WDR26: variants seen among roughly 807,000 people sequenced by gnomAD.
WDR26 encodes WD repeat-containing protein 26.
Under a neutral mutation model 84.1 loss-of-function variants are expected in WDR26, and 5 were observed. The observed-to-expected ratio is 0.06, with a 90% CI of 0.03 to 0.13. The LOEUF (loss-of-function observed/expected upper bound fraction) is 0.13. Among genes scored for constraint, WDR26 ranks in the 10% least tolerant of loss-of-function variants. The probability of loss-of-function intolerance (pLI) is 1.00; values close to 1 mark genes in which losing one functional copy is unlikely to be tolerated. For synonymous variants in WDR26, 415 were observed against 389.6 expected (o/e 1.07, Z -0.77); for missense variants, 642 against 974.9 (o/e 0.66, Z 4.55).
chr1:224,398,872 A>T lies in WDR26; in HGVS notation c.1865+17T>A. On this transcript the variant is annotated intron_variant, in intron 10 of 13. Coordinates refer to ENST00000414423, the MANE Select transcript of WDR26 (RefSeq NM_001379403.1). ...AAATCAGGTAATTGTTGTTTAATGGAAACAAAAAATAGTTACATGTTCCTA... is the reference window on the plus strand; with the variant it reads ...AAATCAGGTAATTGTTGTTTAATGGTAACAAAAAATAGTTACATGTTCCTA... 6.2e-7 allele frequency: 1 copy of T among 1,613,010 alleles called. No individual in the cohort carries two copies. Among genetic ancestry groups the T allele is most frequent in the Non-Finnish European group, 8.5e-7 (1 of 1,179,682 alleles).
rs576384527 is a variant in WDR26 at position 224,395,078 on chromosome 1, T to C, written c.2075-1065A>G. ...GTATAGAGAGTATTGGTTGAGAGTA[T>C]GGGCTCTGGAATCAGACTACTCAAC... On this transcript the variant is annotated intron_variant, in intron 12 of 13. Transcript: ENST00000414423. Among the ~76,000 whole-genome samples, 11 of 152,328 alleles carry C rather than the reference T, an allele frequency of 7.2e-5. 1 individual carries two copies. The South Asian group carries it at 2.3e-3, about 32-fold the overall frequency.
At chr1:224,389,940 G>T (rs1029604262) in intron 13 of WDR26, 80 bp from the exon 14 acceptor site, 6 of 1,129,798 alleles carry the variant, frequency 5.3e-6, no homozygotes, top group Non-Finnish European at 7.5e-6. Context: ...TTACCAGTTA[G>T]AAAGTTTCAA....
chr1:224,426,360 TAA>T (rs1443637737), intron 3 of WDR26, among the ~76,000 whole-genome samples: 1 of 152,176 alleles, frequency 6.6e-6, no homozygotes, highest in African/African-American at 2.4e-5. Flanking sequence ...CCCTCTCATA[TAA>T]GTTAGGCATG....
At chr1:224,395,619 A>AAC (rs1673238560) in intron 12 of WDR26, among the ~76,000 whole-genome samples, 1 of 152,132 alleles carries the variant, frequency 6.6e-6, no homozygotes, top group Admixed American at 6.5e-5. Flanking sequence ...AAAAAAAAAA[A>AAC]AAAGTAAAGA....
At chr1:224,415,068 T>C (rs570279090) in intron 6 of WDR26, among the ~76,000 whole-genome samples, 1 of 152,188 alleles carries the variant, frequency 6.6e-6, no homozygotes, top group Non-Finnish European at 1.5e-5. Context: ...TTTTGCAGTT[T>C]AGCAATAAAG....
intron 8 of WDR26, chr1:224,402,078 G>C (rs1315553970): frequency 6.6e-6 from 1 of 152,158 alleles, no homozygotes; most frequent in Non-Finnish European, 1.5e-5. Context: ...TGCCCTTGGT[G>C]TAATAATAAA....
At chr1:224,429,032 G>A (rs1385467479) in intron 3 of WDR26, among the ~76,000 whole-genome samples, 1 of 152,072 alleles carries the variant, frequency 6.6e-6, no homozygotes, top group Non-Finnish European at 1.5e-5. Context: ...GGAAGGCTGG[G>A]GCGGGCGGAT....
intron 13 of WDR26, 42 bp from the exon 14 acceptor site, chr1:224,389,902 G>C: frequency 1.6e-5 from 6 of 376,256 alleles, no homozygotes; most frequent in Admixed American, 3.9e-5. Flanking sequence ...GCGGGCGGGG[G>C]AGGGAAGAGG....
At chr1:224,395,169 C>A (rs2102887944) in intron 12 of WDR26, among the ~76,000 whole-genome samples, 1 of 152,290 alleles carries the variant, frequency 6.6e-6, no homozygotes, top group African/African-American at 2.4e-5. Flanking sequence ...TACAACCCTT[C>A]ACCTGTAAAT....
chr1:224,391,791 G>C (rs1234875781), intron 13 of WDR26, among the ~76,000 whole-genome samples: 1 of 152,130 alleles, frequency 6.6e-6, no homozygotes, highest in Non-Finnish European at 1.5e-5. Context: ...AAAGTGTTTT[G>C]GGGGTGGAGG....
intron 8 of WDR26, among the ~76,000 whole-genome samples, chr1:224,402,523 G>A (rs1229334652): frequency 6.6e-6 from 1 of 152,120 alleles, no homozygotes; most frequent in Non-Finnish European, 1.5e-5. Context: ...AAACTGATTA[G>A]ATCACCCTTT....
chr1:224,431,762 T>A lies in WDR26; in HGVS notation c.742A>T (p.Met248Leu), dbSNP rs751563177. 6.2e-7 allele frequency: 1 copy of A among 1,612,814 alleles called. No individual in the cohort carries two copies. Among genetic ancestry groups the A allele is most frequent in the Non-Finnish European group, 8.5e-7 (1 of 1,179,032 alleles). Residue 248 changes from methionine to leucine, a missense_variant, in exon 2 of 14, where the codon ATG becomes TTG. Coordinates refer to ENST00000414423, the MANE Select transcript of WDR26 (RefSeq NM_001379403.1). ...TCTAAACGACATCCTGACTCTTGCA[T>A]GAGGAGATCAACAGTCTGGCTGCAG...
chr1:224,404,610 TAA>T (rs770050720), intron 7 of WDR26, 40 bp from the exon 8 acceptor site: 1 of 1,568,438 alleles, frequency 6.4e-7, no homozygotes, highest in South Asian at 1.2e-5. Flanking sequence ...CCCCTATCAC[TAA>T]AGTCATTGTT....
chr1:224,399,951 G>A lies in WDR26; in HGVS notation c.1720-917C>T, dbSNP rs552313944. ...CACACCAATGTACTCTAGCATGGGT[G>A]GCAGAGAGCAAGACCCTGTCTCTTA... is the stretch of plus-strand genomic sequence containing the variant. On this transcript the variant is annotated intron_variant, in intron 9 of 13. Coordinates refer to ENST00000414423, the MANE Select transcript of WDR26 (RefSeq NM_001379403.1). Among the ~76,000 whole-genome samples the A allele has an allele frequency of 8.3e-4, 127 of 152,206 alleles. 2 individuals are homozygous for A. The highest frequency in any genetic ancestry group is 1.7e-3 in the Non-Finnish European group (115 of 68,020).
Position 224,431,492 on chromosome 1 carries a change from C to T in WDR26, c.912G>A (p.Leu304=). The T allele has an allele frequency of 2.5e-6, 4 of 1,613,918 alleles. No individual in the cohort carries two copies. Among genetic ancestry groups the T allele is most frequent in the Non-Finnish European group, 3.4e-6 (4 of 1,179,910 alleles). The change falls in exon 3 of 14, where the codon TTG becomes TTA. Residue 304 remains leucine, a synonymous_variant. Transcript: ENST00000414423. ...GTGTATTTACCACAATTATTCCCAA[C>T]AACGTTTGAGAGATTTCAAGTGCGC...
rs1226567301 is a variant in WDR26 at position 224,389,288 on chromosome 1, T to C, written c.*547A>G. On this transcript the variant is annotated 3_prime_UTR_variant, in exon 14 of 14. Transcript: ENST00000414423. ...CACTGGTTTATCATCTGGATCAGTA[T>C]ATACTGCGCAACGGGCAAGGCTAGA... is the stretch of plus-strand genomic sequence containing the variant. 4 of 179,108 alleles carry C rather than the reference T, an allele frequency of 2.2e-5. No homozygotes were observed. Among genetic ancestry groups the C allele is most frequent in the African/African-American group, 7.1e-5 (3 of 42,414 alleles). 11.1% of individuals were successfully genotyped at this position (179,108 alleles called of 1,614,324 possible). A position where few individuals can be genotyped will look rare whatever the true frequency, so the allele number is the denominator to read the frequency against.
At chr1:224,430,146 T>G (rs962560005) in intron 3 of WDR26, 3 of 152,186 alleles carry the variant, frequency 2.0e-5, no homozygotes, top group African/African-American at 7.2e-5. Flanking sequence ...TTGGGTATTT[T>G]TTTTTTAAAC....
In WDR26 at chr1:224,388,745, C is replaced by T. The variant is rs1401101581; in HGVS notation, c.*1090G>A. The T allele has an allele frequency of 6.6e-6, 1 of 152,612 alleles. No individual in the cohort carries two copies. The highest frequency in any genetic ancestry group is 2.4e-5 in the African/African-American group (1 of 41,448). The allele number at this position is 152,612 out of a possible 1,614,324, so 9.5% of individuals were successfully genotyped here. On this transcript the variant is annotated 3_prime_UTR_variant, in exon 14 of 14. Transcript: ENST00000414423. ...AATTCTTCTAATAATTTCAATTATACTATAAACTTCCAAAGTGGTTGTATC... is the reference window on the plus strand; with the variant it reads ...AATTCTTCTAATAATTTCAATTATATTATAAACTTCCAAAGTGGTTGTATC...
At chr1:224,409,627 C>G (rs1005886077) in intron 7 of WDR26, among the ~76,000 whole-genome samples, 1 of 151,950 alleles carries the variant, frequency 6.6e-6, no homozygotes, top group Non-Finnish European at 1.5e-5. Context: ...TTTGGGAGGT[C>G]GAGGTGGGCG....
Sources: gnomAD v4.1 joint callset for allele counts (sites outside exome capture counted in the v4.1 genomes callset) on GRCh38, gnomAD v4.1.1 for gene constraint, MANE v1.5 for transcripts, NCBI Gene and HGNC (gene_info 2026-07-23, HGNC 2026-07-21) for gene names.